ROBO2: variants seen among roughly 807,000 people sequenced by gnomAD.
The protein encoded by ROBO2 is roundabout guidance receptor 2.
A neutral mutation model predicts 160.8 loss-of-function variants in ROBO2; 53 were observed. That is an observed-to-expected ratio of 0.33 (90% CI 0.26 to 0.41). The LOEUF is 0.41. ROBO2 is among the 10% of genes least tolerant of loss of function. The pLI, the probability that ROBO2 is intolerant of heterozygous loss-of-function variation, is 1.00. For synonymous variants in ROBO2, 664 were observed against 611.7 expected (o/e 1.09, Z -1.26); for missense variants, 1,577 against 1,722.4 (o/e 0.92, Z 1.49).
intron 2 of ROBO2, among the ~76,000 whole-genome samples, chr3:76,189,716 G>T (rs1485557957): frequency 1.3e-5 from 2 of 152,028 alleles, no homozygotes; most frequent in African/African-American, 2.4e-5. Context: ...TTTTCATGAA[G>T]TCATTTTCTA....
At chr3:76,541,501 C>A (rs137933813) in intron 2 of ROBO2, among the ~76,000 whole-genome samples, 1 of 152,076 alleles carries the variant, frequency 6.6e-6, no homozygotes, top group Non-Finnish European at 1.5e-5. Context: ...TGTGTGTGTG[C>A]CATGTGCTAG....
chr3:77,172,252 CTAATGAGGAT>C (rs1362845178), intron 2 of ROBO2, among the ~76,000 whole-genome samples: 3 of 152,022 alleles, frequency 2.0e-5, no homozygotes, highest in African/African-American at 7.2e-5. Context: ...ACTCAAATGC[CTAATGAGGAT>C]TACTTTTTTC....
intron 2 of ROBO2, among the ~76,000 whole-genome samples, chr3:76,457,850 G>A (rs1298811746): frequency 1.3e-5 from 2 of 152,300 alleles, no homozygotes; most frequent in East Asian, 3.9e-4. Context: ...TGAAGCCACA[G>A]CCCAAGCTGT....
At chr3:76,361,048 A>G (rs2075487194) in intron 2 of ROBO2, among the ~76,000 whole-genome samples, 1 of 152,126 alleles carries the variant, frequency 6.6e-6, no homozygotes, top group Admixed American at 6.6e-5. Context: ...TGATACAACC[A>G]GCTTCTATTA....
intron 2 of ROBO2, among the ~76,000 whole-genome samples, chr3:76,104,535 A>T (rs1178105033): frequency 1.3e-5 from 2 of 152,208 alleles, no homozygotes; most frequent in African/African-American, 2.4e-5. Context: ...ATTAATTGTC[A>T]ATAATGTCAT....
intron 2 of ROBO2, among the ~76,000 whole-genome samples, chr3:76,725,113 T>G (rs560729050): frequency 3.9e-5 from 6 of 152,300 alleles, no homozygotes; most frequent in African/African-American, 1.4e-4. Flanking sequence ...GTTTGTTGTT[T>G]TAAACCACCA....
chr3:76,445,584 G>T (rs910053715), intron 2 of ROBO2, among the ~76,000 whole-genome samples: 12 of 151,698 alleles, frequency 7.9e-5, no homozygotes, highest in African/African-American at 2.9e-4. Flanking sequence ...GAGACACAAC[G>T]AAAAAAGAGA....
chr3:76,060,782 A>G (rs1239639322), intron 2 of ROBO2, among the ~76,000 whole-genome samples: 1 of 152,154 alleles, frequency 6.6e-6, no homozygotes, highest in Admixed American at 6.5e-5. Flanking sequence ...AAAGATAATT[A>G]ATAGATCTTG....
At chr3:76,495,696 T>C (rs1022266052) in intron 2 of ROBO2, among the ~76,000 whole-genome samples, 1 of 152,150 alleles carries the variant, frequency 6.6e-6, no homozygotes, top group Non-Finnish European at 1.5e-5. Context: ...CCTTGAAAAC[T>C]GGGTGAAAAT....
At chr3:76,368,333 A>T (rs1268477507) in intron 2 of ROBO2, among the ~76,000 whole-genome samples, 1 of 152,022 alleles carries the variant, frequency 6.6e-6, no homozygotes, top group Non-Finnish European at 1.5e-5. Flanking sequence ...TTAGCAGCTT[A>T]AAACAAAAAC....
At chr3:76,481,436 A>G (rs752981595) in intron 2 of ROBO2, among the ~76,000 whole-genome samples, 1 of 152,204 alleles carries the variant, frequency 6.6e-6, no homozygotes, top group Non-Finnish European at 1.5e-5. Context: ...CAACTGGAAC[A>G]TGAGAAGATA....
At chr3:76,263,245 T>TG (rs1306427739) in intron 2 of ROBO2, among the ~76,000 whole-genome samples, 1 of 152,062 alleles carries the variant, frequency 6.6e-6, no homozygotes, top group African/African-American at 2.4e-5. Context: ...TCCTTTTTTT[T>TG]GGGGAAGGGT....
intron 2 of ROBO2, among the ~76,000 whole-genome samples, chr3:76,120,158 T>C (rs533974916): frequency 6.6e-6 from 1 of 151,922 alleles, no homozygotes; most frequent in South Asian, 2.1e-4. Context: ...TGCACCACCA[T>C]GACTGGATAA....
intron 15 of ROBO2, 99 bp from the exon 17 acceptor site, chr3:77,579,848 G>A: frequency 1.8e-6 from 2 of 1,115,854 alleles, no homozygotes; most frequent in South Asian, 2.7e-5. Flanking sequence ...CTAGAAGATA[G>A]ACAGGTTATG....
chr3:76,622,241 A>AGAAAGAAAGAAAGAAAGAAAGAAGGAAG lies in ROBO2; in HGVS notation c.110-475750_110-475749insGGAAGGAAAGAAAGAAAGAAAGAAAGAA, dbSNP rs1560252150. 1.9e-4 allele frequency among the ~76,000 whole-genome samples: 7 copies of AGAAAGAAAGAAAGAAAGAAAGAAGGAAG among 37,446 alleles called. 1 individual carries two copies. Among genetic ancestry groups the AGAAAGAAAGAAAGAAAGAAAGAAGGAAG allele is most frequent in the Non-Finnish European group, 2.0e-4 (4 of 19,878 alleles). The allele number at this position is 37,446 out of a possible 152,430, so 24.6% of individuals were successfully genotyped here. A position where few individuals can be genotyped will look rare whatever the true frequency, so the allele number is the denominator to read the frequency against. On this transcript the variant is annotated intron_variant, in intron 2 of 26. Transcript: ENST00000487694. ...AAGGAAGGAAGGAAGGAAGGAAGAAAGAAAGAAAGAAAGAAAGAAAGAAAG... is the reference window on the plus strand; with the variant it reads ...AAGGAAGGAAGGAAGGAAGGAAGAAAGAAAGAAAGAAAGAAAGAAAGAAGGAAGGAAAGAAAGAAAGAAAGAAAGAAAG...
At chr3:76,293,513 G>A (rs1324730086) in intron 2 of ROBO2, among the ~76,000 whole-genome samples, 1 of 152,136 alleles carries the variant, frequency 6.6e-6, no homozygotes, top group East Asian at 1.9e-4. Flanking sequence ...CAGAAATACA[G>A]CCTTGAATCC....
At chr3:76,082,354 G>T (rs957882250) in intron 2 of ROBO2, among the ~76,000 whole-genome samples, 1 of 152,014 alleles carries the variant, frequency 6.6e-6, no homozygotes, top group Non-Finnish European at 1.5e-5. Context: ...AGTGTGTAAA[G>T]GCATAAAAAG....
chr3:77,614,006 C>T (rs1317507147), intron 21 of ROBO2, among the ~76,000 whole-genome samples: 1 of 152,008 alleles, frequency 6.6e-6, no homozygotes, highest in Non-Finnish European at 1.5e-5. Context: ...ATAAATGCAC[C>T]AGGATGGGAA....
chr3:77,168,003 G>A (rs2079259970), intron 2 of ROBO2, among the ~76,000 whole-genome samples: 1 of 152,150 alleles, frequency 6.6e-6, no homozygotes, highest in Admixed American at 6.5e-5. Flanking sequence ...CAATTTAAAT[G>A]AGAAAAAATA....
Sources: allele counts gnomAD v4.1 joint callset (sites outside exome capture counted in the v4.1 genomes callset), GRCh38; gene constraint gnomAD v4.1.1; transcripts MANE v1.5; gene names NCBI Gene and HGNC (gene_info 2026-07-23, HGNC 2026-07-21).